ZNF426: variants seen among roughly 807,000 people sequenced by gnomAD.
ZNF426 encodes the protein zinc finger protein 426.
ZNF426 carries 23 observed loss-of-function variants against 24.0 expected under a neutral mutation model. That is an observed-to-expected ratio of 0.96 (90% CI 0.69 to 1.36). The LOEUF (loss-of-function observed/expected upper bound fraction) is 1.36. ZNF426 is among the 40% of genes most tolerant of loss of function. ZNF426 has a pLI of 0.00. For missense variants in ZNF426, 646 were observed against 658.4 expected, an observed-to-expected ratio of 0.98 and a Z score of 0.21; for synonymous variants, 272 against 224.6, an observed-to-expected ratio of 1.21 and a Z score of -1.89.
chr19:9,531,142 T>C (rs891552325), intron 6 of ZNF426, 75 bp from the exon 7 acceptor site: 10 of 1,261,456 alleles, frequency 7.9e-6, no homozygotes, highest in Non-Finnish European at 1.2e-5. Flanking sequence ...CCCAGCACTT[T>C]GGGAGGCTAA....
At chr19:9,534,199 A>G (rs1032167686) in intron 4 of ZNF426, among the ~76,000 whole-genome samples, 7 of 152,060 alleles carry the variant, frequency 4.6e-5, no homozygotes, top group Admixed American at 1.3e-4. Context: ...CAGCACAACC[A>G]GACTAGGAGA....
Position 9,532,900 on chromosome 19 carries a change from T to TAG in ZNF426, c.268_269dup (p.Ile91Ter), listed in dbSNP as rs779527932. On this transcript the variant is annotated frameshift_variant, in exon 6 of 8. Transcript: ENST00000253115. LOFTEE classifies it high-confidence loss of function. Reference sequence around the variant, plus strand: ...ACTCTTCTTGTTCCAACCAAGAGATTAGACTGGGTTTGATGATCTGACCTC... The same window carrying TAG: ...ACTCTTCTTGTTCCAACCAAGAGATTAGAGACTGGGTTTGATGATCTGACCTC... 3.7e-6 allele frequency: 6 copies of TAG among 1,613,952 alleles called. No homozygotes were observed. The highest frequency in any genetic ancestry group is 5.1e-6 in the Non-Finnish European group (6 of 1,179,954).
chr19:9,531,495 G>T (rs910172626), intron 6 of ZNF426, among the ~76,000 whole-genome samples: 1 of 152,168 alleles, frequency 6.6e-6, no homozygotes, highest in Non-Finnish European at 1.5e-5. Context: ...AAAGACATTT[G>T]GGGATTTGGG....
At chr19:9,531,380 CACA>C (rs948924079) in intron 6 of ZNF426, among the ~76,000 whole-genome samples, 4 of 152,032 alleles carry the variant, frequency 2.6e-5, no homozygotes, top group African/African-American at 7.2e-5. Flanking sequence ...CAGAGTGAAC[CACA>C]ACAAGAACAA....
rs1043306074 is a variant in ZNF426 at position 9,533,165 on chromosome 19, G to A, written c.245-240C>T. On this transcript the variant is annotated intron_variant, in intron 5 of 7. Transcript: ENST00000253115. ...ACTTTTATTCAAACACAAAATAATG[G>A]CCGAGTGTGGTGGCTCATGCCTGTA... Among the ~76,000 whole-genome samples the A allele has an allele frequency of 1.4e-4, 21 of 152,316 alleles. No individual in the cohort carries two copies. In the East Asian group the frequency reaches 2.1e-3, roughly 15 times the overall value.
Position 9,529,167 on chromosome 19 carries a change from G to T in ZNF426, c.878C>A (p.Ala293Asp). ...GGTTCGCATGTGAATACTGAGGTAG[G>T]CTGGGTATCTATAGCCTTTTCCACA... ...KECGKGYRYP[A>D]YLSIHMRTHT... The change falls in exon 8 of 8, where the codon GCC becomes GAC. Residue 293 changes from alanine (A) to aspartate (D), a missense_variant. Physicochemically the swap from Ala to Asp is moderately radical, Grantham distance 126 (BLOSUM62 -2). Coordinates refer to ENST00000253115, the MANE Select transcript of ZNF426 (RefSeq NM_024106.3). 1.2e-6 allele frequency: 2 copies of T among 1,614,220 alleles called. No homozygotes were observed. Among genetic ancestry groups the T allele is most frequent in the Non-Finnish European group, 1.7e-6 (2 of 1,180,030 alleles).
Position 9,528,039 on chromosome 19 carries a change from A to G in ZNF426, c.*341T>C. ...AGTCTCACTCCATCGCCCAGGCTGGAGTGCAGTGGCATGATCTCTGCTCAC... is the reference window on the plus strand; with the variant it reads ...AGTCTCACTCCATCGCCCAGGCTGGGGTGCAGTGGCATGATCTCTGCTCAC... On this transcript the variant is annotated 3_prime_UTR_variant, in exon 8 of 8. Transcript: ENST00000253115. 1.2e-5 allele frequency: 2 copies of G among 168,314 alleles called. No homozygotes were observed. Among genetic ancestry groups the G allele is most frequent in the Admixed American group, 1.2e-4 (2 of 16,736 alleles). The allele number at this position is 168,314 out of a possible 1,614,324, so 10.4% of individuals were successfully genotyped here.
chr19:9,531,894 A>G (rs1002003011), intron 6 of ZNF426, among the ~76,000 whole-genome samples: 18 of 152,244 alleles, frequency 1.2e-4, no homozygotes, highest in Non-Finnish European at 2.6e-4. Context: ...CTGAGGCAGG[A>G]GAACGGCATA....
At chr19:9,533,810 G>T in intron 5 of ZNF426, 30 bp downstream of exon 5, 1 of 1,613,122 alleles carries the variant, frequency 6.2e-7, no homozygotes, top group Non-Finnish European at 8.5e-7. Flanking sequence ...CAGTTCCATA[G>T]AAGGCTGCAA....
rs1045192169 is a variant in ZNF426 at position 9,526,349 on chromosome 19, G to A, written c.*2031C>T. 1 of 152,036 alleles carries A rather than the reference G, an allele frequency of 6.6e-6. No homozygotes were observed. Among genetic ancestry groups the A allele is most frequent in the Non-Finnish European group, 1.5e-5 (1 of 68,028 alleles). 9.4% of individuals were successfully genotyped at this position (152,036 alleles called of 1,614,324 possible). A position where few individuals can be genotyped will look rare whatever the true frequency, so the allele number is the denominator to read the frequency against. The stretch of plus-strand genomic sequence containing the variant: ...CAGACTGGGAATTTAAAACAATTAT[G>A]ATTGATATGCCATGGGTTCTACTGG... On this transcript the variant is annotated 3_prime_UTR_variant, in exon 8 of 8. Transcript: ENST00000253115.
chr19:9,537,939 C>G (rs1466959047), intron 2 of ZNF426, among the ~76,000 whole-genome samples: 2 of 152,148 alleles, frequency 1.3e-5, no homozygotes, highest in Non-Finnish European at 2.9e-5. Context: ...AATAATAAAG[C>G]CTTCATCCTT....
Position 9,528,259 on chromosome 19 carries a change from AT to A in ZNF426, c.*120del, listed in dbSNP as rs2073819964. The A allele has an allele frequency of 1.9e-6, 2 of 1,075,022 alleles. No individual in the cohort carries two copies. The highest frequency in any genetic ancestry group is 5.8e-5 in the Admixed American group (2 of 34,710). 66.6% of individuals were successfully genotyped at this position (1,075,022 alleles called of 1,614,324 possible). On this transcript the variant is annotated 3_prime_UTR_variant, in exon 8 of 8. Coordinates refer to ENST00000253115, the MANE Select transcript of ZNF426 (RefSeq NM_024106.3). ...CACCTCAGCCTCTCAAAATGCTGGG[AT>A]TACAGGAATTAAGTAATTTTCATGC...
chr19:9,527,889 T>C lies in ZNF426; in HGVS notation c.*491A>G, dbSNP rs1371312828. The C allele has an allele frequency of 6.5e-6, 1 of 153,372 alleles. No homozygotes were observed. The highest frequency in any genetic ancestry group is 1.9e-4 in the East Asian group (1 of 5,208). 9.5% of individuals were successfully genotyped at this position (153,372 alleles called of 1,614,324 possible). Reference sequence around the variant, plus strand: ...ATCATCTGATGACTTCACATCATCTTCTATTTGTTGTCTCAGTTGTGTCTT... The same window carrying C: ...ATCATCTGATGACTTCACATCATCTCCTATTTGTTGTCTCAGTTGTGTCTT... On this transcript the variant is annotated 3_prime_UTR_variant, in exon 8 of 8. Transcript: ENST00000253115.
rs1299868133 is a variant in ZNF426, at chr19:9,525,096, A to G, written c.*3284T>C. 1 of 151,030 alleles carries G rather than the reference A, an allele frequency of 6.6e-6. No homozygotes were observed. The highest frequency in any genetic ancestry group is 1.5e-5 in the Non-Finnish European group (1 of 67,776). 9.4% of individuals were successfully genotyped at this position (151,030 alleles called of 1,614,324 possible). ...AACCCCGTCTCTACTAAAAATACAAAAAATTAGCCGGGCGTGGTAGCGGGC... is the reference window on the plus strand; with the variant it reads ...AACCCCGTCTCTACTAAAAATACAAGAAATTAGCCGGGCGTGGTAGCGGGC... On this transcript the variant is annotated 3_prime_UTR_variant, in exon 8 of 8. Transcript: ENST00000253115.
At chr19:9,531,638 G>C (rs1312778192) in intron 6 of ZNF426, among the ~76,000 whole-genome samples, 5 of 152,236 alleles carry the variant, frequency 3.3e-5, no homozygotes, top group Middle Eastern at 6.8e-3. Flanking sequence ...ATAGTGAATA[G>C]AGAGAATCAG....
rs535608853 is a variant in ZNF426, at chr19:9,527,041, T to A, written c.*1339A>T. The A allele has an allele frequency of 2.0e-5, 3 of 152,290 alleles. No homozygotes were observed. The South Asian group carries it at 6.2e-4, about 32-fold the overall frequency. The allele number at this position is 152,290 out of a possible 1,614,324, so 9.4% of individuals were successfully genotyped here. A position where few individuals can be genotyped will look rare whatever the true frequency, so the allele number is the denominator to read the frequency against. On this transcript the variant is annotated 3_prime_UTR_variant, in exon 8 of 8. Transcript: ENST00000253115. ...TAGGCATAAAAGTGAAATATAGTAA[T>A]GATGGAAGGTCTGAGAGGGAGGATT...
Position 9,527,298 on chromosome 19 carries a change from A to G in ZNF426, c.*1082T>C, listed in dbSNP as rs183817510. 6.6e-6 allele frequency: 1 copy of G among 152,200 alleles called. No individual in the cohort carries two copies. The highest frequency in any genetic ancestry group is 6.5e-5 in the Admixed American group (1 of 15,286). The allele number at this position is 152,200 out of a possible 1,614,324, so 9.4% of individuals were successfully genotyped here. A position where few individuals can be genotyped will look rare whatever the true frequency, so the allele number is the denominator to read the frequency against. On this transcript the variant is annotated 3_prime_UTR_variant, in exon 8 of 8. Coordinates refer to ENST00000253115, the MANE Select transcript of ZNF426 (RefSeq NM_024106.3). Reference sequence around the variant, plus strand: ...GCTTCTCTCCAGTTCGACTTCTTACACCTTCTAGAAGGTAGAAAACATTAA... The same window carrying G: ...GCTTCTCTCCAGTTCGACTTCTTACGCCTTCTAGAAGGTAGAAAACATTAA...
At chr19:9,533,467 CAACA>C (rs1433872213) in intron 5 of ZNF426, among the ~76,000 whole-genome samples, 1 of 152,044 alleles carries the variant, frequency 6.6e-6, no homozygotes, top group Non-Finnish European at 1.5e-5. Context: ...ACAAGAACAA[CAACA>C]AATAAGGAAT....
In ZNF426 at chr19:9,526,353, G is replaced by C. The variant is rs183493024; in HGVS notation, c.*2027C>G. 101 of 152,154 alleles carry C rather than the reference G, an allele frequency of 6.6e-4. 1 individual carries two copies. Among genetic ancestry groups the C allele is most frequent in the African/African-American group, 2.4e-3 (100 of 41,502 alleles). 9.4% of individuals were successfully genotyped at this position (152,154 alleles called of 1,614,324 possible). A position where few individuals can be genotyped will look rare whatever the true frequency, so the allele number is the denominator to read the frequency against. On this transcript the variant is annotated 3_prime_UTR_variant, in exon 8 of 8. Transcript: ENST00000253115. ...CTGGGAATTTAAAACAATTATGATTGATATGCCATGGGTTCTACTGGATAA... is the reference window on the plus strand; with the variant it reads ...CTGGGAATTTAAAACAATTATGATTCATATGCCATGGGTTCTACTGGATAA...
Sources: allele counts gnomAD v4.1 joint callset (sites outside exome capture counted in the v4.1 genomes callset), GRCh38; gene constraint gnomAD v4.1.1; transcripts MANE v1.5; gene names NCBI Gene and HGNC (gene_info 2026-07-23, HGNC 2026-07-21).